The following ADCY10 variants were observed in gnomAD, a reference collection of about 807,000 sequenced individuals.
ADCY10 encodes adenylate cyclase 10, also known as adenylate cyclase type 10.
ADCY10 carries 156 observed loss-of-function variants against 183.3 expected under a neutral mutation model. The observed-to-expected ratio is 0.85, with a 90% CI of 0.75 to 0.97. The LOEUF (loss-of-function observed/expected upper bound fraction) is 0.97. Among genes scored for constraint, ADCY10 ranks in the 50% least tolerant of loss-of-function variants. The probability of loss-of-function intolerance (pLI) is 0.00; values close to 1 mark genes in which losing one functional copy is unlikely to be tolerated. For synonymous variants in ADCY10, 645 were observed against 670.0 expected (o/e 0.96, Z 0.58); for missense variants, 1,745 against 1,934.3 (o/e 0.90, Z 1.84).
intron 26 of ADCY10, among the ~76,000 whole-genome samples, chr1:167,828,707 A>C (rs1047616974): frequency 6.6e-6 from 1 of 152,230 alleles, no homozygotes; most frequent in Non-Finnish European, 1.5e-5. Context: ...CACGCCTGTA[A>C]TCCCAGCACT....
At chr1:167,854,933 G>T (rs1665776630) in intron 17 of ADCY10, among the ~76,000 whole-genome samples, 2 of 152,172 alleles carry the variant, frequency 1.3e-5, no homozygotes, top group South Asian at 4.1e-4. Flanking sequence ...CTTCCTTCCA[G>T]AAGCAGGGCA....
At chr1:167,832,078 T>A (rs1558159080) in intron 25 of ADCY10, among the ~76,000 whole-genome samples, 2 of 152,252 alleles carry the variant, frequency 1.3e-5, no homozygotes, top group East Asian at 3.9e-4. Context: ...GGGAAGGCAG[T>A]TTCTGATGGG....
In ADCY10 at chr1:167,829,361, T is replaced by C. The variant is rs1328658581; in HGVS notation, c.3656A>G (p.Tyr1219Cys). 1 of 1,614,082 alleles carries C rather than the reference T, an allele frequency of 6.2e-7. No homozygotes were observed. The highest frequency in any genetic ancestry group is 2.2e-5 in the East Asian group (1 of 44,900). The change falls in exon 26 of 33, where the codon TAT (tyrosine) becomes TGT (cysteine). Residue 1219 changes from tyrosine (Y) to cysteine (C), a missense_variant. Physicochemically the swap from Tyr to Cys is radical, Grantham distance 194 (BLOSUM62 -2). Transcript: ENST00000367851. The part of the protein sequence containing the change: ...TVCLSLLWRI[Y>C]SYSYLFHCKY... Reference sequence around the variant, plus strand: ...GCAGTGAAAAAGATAACTGTAGCTATAGATGCGCCACAGCAAGGAAAGGCA... The same window carrying C: ...GCAGTGAAAAAGATAACTGTAGCTACAGATGCGCCACAGCAAGGAAAGGCA...
intron 8 of ADCY10, among the ~76,000 whole-genome samples, chr1:167,888,798 C>T (rs935770384): frequency 3.1e-4 from 31 of 100,472 alleles, no homozygotes; most frequent in African/African-American, 1.2e-3. Context: ...ATAGAGTGAA[C>T]CCGGGAGGCG....
chr1:167,818,833 C>T (rs975074565), intron 30 of ADCY10, among the ~76,000 whole-genome samples: 54 of 152,166 alleles, frequency 3.5e-4, no homozygotes, highest in African/African-American at 1.2e-3. Flanking sequence ...CCACCATGCC[C>T]GGCCACTTTG....
intron 1 of ADCY10, among the ~76,000 whole-genome samples, chr1:167,913,037 A>G (rs1310807049): frequency 2.6e-5 from 4 of 152,230 alleles, no homozygotes; most frequent in African/African-American, 7.2e-5. Context: ...CAAAAGATGT[A>G]GGTTTAATTT....
intron 8 of ADCY10, 53 bp from the exon 9 acceptor site, chr1:167,883,681 C>T (rs1668026613): frequency 3.2e-6 from 5 of 1,548,692 alleles, no homozygotes; most frequent in Non-Finnish European, 4.5e-6. Context: ...GGATCCCTCC[C>T]CCAACACCGC....
chr1:167,901,540 G>A, intron 5 of ADCY10, 122 bp downstream of exon 5: 1 of 1,023,528 alleles, frequency 9.8e-7, no homozygotes, highest in Admixed American at 1.7e-5. Flanking sequence ...TGATGCCAAA[G>A]TTCAGGGCAT....
chr1:167,905,667 T>C (rs1170472144), intron 1 of ADCY10, among the ~76,000 whole-genome samples: 1 of 151,544 alleles, frequency 6.6e-6, no homozygotes, highest in East Asian at 1.9e-4. Context: ...AGTATTAGAG[T>C]TTTGTATATA....
chr1:167,911,642 C>T (rs532969668), intron 1 of ADCY10, among the ~76,000 whole-genome samples: 1 of 152,300 alleles, frequency 6.6e-6, no homozygotes, highest in Admixed American at 6.5e-5. Flanking sequence ...ATGACCCCGT[C>T]TCCTTTGTTC....
At chr1:167,899,714 G>T in intron 5 of ADCY10, 86 bp from the exon 6 acceptor site, 1 of 1,280,580 alleles carries the variant, frequency 7.8e-7, no homozygotes, top group East Asian at 2.4e-5. Flanking sequence ...CCATAATCTT[G>T]GTGGGACTAT....
intron 5 of ADCY10, among the ~76,000 whole-genome samples, chr1:167,900,277 A>C (rs555085047): frequency 2.0e-5 from 3 of 152,148 alleles, no homozygotes; most frequent in Admixed American, 6.5e-5. Flanking sequence ...TCTCTGCTAT[A>C]CTGATTTGTC....
chr1:167,824,434 G>C, intron 28 of ADCY10, 42 bp downstream of exon 28: 2 of 1,531,676 alleles, frequency 1.3e-6, no homozygotes, highest in Non-Finnish European at 1.8e-6. Flanking sequence ...CAATAATACG[G>C]CCTCCTCCCC....
intron 6 of ADCY10, 73 bp from the exon 7 acceptor site, chr1:167,896,764 C>A (rs908576353): frequency 4.7e-6 from 5 of 1,069,424 alleles, no homozygotes; most frequent in Non-Finnish European, 7.3e-6. Flanking sequence ...AATTTCTTAG[C>A]AGAAAGAGAG....
chr1:167,857,668 G>A (rs574203056), intron 16 of ADCY10, among the ~76,000 whole-genome samples: 13 of 152,216 alleles, frequency 8.5e-5, no homozygotes, highest in South Asian at 2.1e-4. Context: ...CAAGTACTGC[G>A]GGATGCTCTT....
intron 8 of ADCY10, 72 bp downstream of exon 8, chr1:167,893,781 C>G: frequency 2.3e-4 from 147 of 638,630 alleles, no homozygotes; most frequent in East Asian, 1.1e-3. Flanking sequence ...TTTTTTTTTT[C>G]TTAAATCTTA....
intron 1 of ADCY10, among the ~76,000 whole-genome samples, chr1:167,910,289 A>G (rs1236424066): frequency 1.3e-5 from 2 of 152,368 alleles, no homozygotes; most frequent in South Asian, 2.1e-4. Flanking sequence ...AAGATACATA[A>G]AAGTGTTCAA....
chr1:167,844,529 T>C (rs755597741), intron 21 of ADCY10, among the ~76,000 whole-genome samples: 3 of 152,198 alleles, frequency 2.0e-5, no homozygotes, highest in Non-Finnish European at 2.9e-5. Context: ...AGGATGAACT[T>C]AGGAATTAGA....
intron 31 of ADCY10, among the ~76,000 whole-genome samples, chr1:167,812,908 CAG>C (rs949844952): frequency 2.0e-5 from 3 of 151,840 alleles, no homozygotes; most frequent in African/African-American, 7.3e-5. Flanking sequence ...CAGAATTAAA[CAG>C]GGAGCAGACT....
Sources: gnomAD v4.1 joint callset for allele counts (sites outside exome capture counted in the v4.1 genomes callset) on GRCh38, gnomAD v4.1.1 for gene constraint, MANE v1.5 for transcripts, NCBI Gene and HGNC (gene_info 2026-07-23, HGNC 2026-07-21) for gene names.